JPH1: variants seen among roughly 807,000 people sequenced by gnomAD.
The protein encoded by JPH1 is junctophilin 1.
In JPH1, 12 loss-of-function variants were observed where a neutral mutation model predicts 53.6. The ratio of observed to expected loss-of-function variants is 0.22; its 90% CI spans 0.14 to 0.36. The LOEUF (loss-of-function observed/expected upper bound fraction) is 0.36, where lower values mean the gene tolerates loss of function less well. JPH1 is among the 10% of genes least tolerant of loss of function. The probability of loss-of-function intolerance (pLI) is 1.00; values close to 1 mark genes in which losing one functional copy is unlikely to be tolerated. For missense variants in JPH1, 808 were observed against 905.5 expected (o/e 0.89, Z 1.38); for synonymous variants, 375 against 363.8 (o/e 1.03, Z -0.35).
In JPH1 at chr8:74,315,934, CTG is replaced by C; in HGVS notation, c.380-316_380-315del. 1.3e-5 allele frequency among the ~76,000 whole-genome samples: 2 copies of C among 152,288 alleles called. No homozygotes were observed. The highest frequency in any genetic ancestry group is 3.9e-4 in the East Asian group (2 of 5,182). ...GAACACTGGGAAACAACATTCTCCT[CTG>C]AAATTAATGCATCAAAAATTCCTCT... is the stretch of plus-strand genomic sequence containing the variant. On this transcript the variant is annotated intron_variant, in intron 1 of 5. Transcript: ENST00000342232. The surrounding 1 kb of genome is among the most constrained non-coding windows in gnomAD (Gnocchi z 6.3).
intron 2 of JPH1, among the ~76,000 whole-genome samples, chr8:74,282,549 A>C (rs972713344): frequency 2.0e-5 from 3 of 152,234 alleles, no homozygotes; most frequent in African/African-American, 7.2e-5. Context: ...TTTGAAAATA[A>C]GCCAAGCACA....
intron 2 of JPH1, among the ~76,000 whole-genome samples, chr8:74,299,448 CCAAT>C (rs1807612762): frequency 1.3e-5 from 2 of 152,088 alleles, no homozygotes; most frequent in South Asian, 4.1e-4. Flanking sequence ...GAGTTTTGGG[CCAAT>C]CAAAGGGGGT....
intron 4 of JPH1, among the ~76,000 whole-genome samples, chr8:74,238,168 G>A (rs1012816490): frequency 2.6e-5 from 4 of 152,152 alleles, no homozygotes; most frequent in Non-Finnish European, 5.9e-5. Flanking sequence ...CTGGCTTTAT[G>A]AGGTAGGTAG....
chr8:74,259,380 T>C lies in JPH1; in HGVS notation c.1258+5A>G. 1 of 1,609,432 alleles carries C rather than the reference T, an allele frequency of 6.2e-7. No individual in the cohort carries two copies. Among genetic ancestry groups the C allele is most frequent in the Non-Finnish European group, 8.5e-7 (1 of 1,176,112 alleles). On this transcript the variant is annotated splice_donor_5th_base_variant and intron_variant, in intron 3 of 5. Coordinates refer to ENST00000342232, the MANE Select transcript of JPH1 (RefSeq NM_020647.4). Reference sequence around the variant, plus strand: ...GCCTCACCCATCAAAGGAGCACTGTTTTACCTGGTTGGTAGAAATCAGGTG... The same window carrying C: ...GCCTCACCCATCAAAGGAGCACTGTCTTACCTGGTTGGTAGAAATCAGGTG...
At position 74,244,796 on chromosome 8, in the gene JPH1, C is replaced by A. The variant is rs749182279; in HGVS notation, c.1638G>T (p.Leu546=). The A allele has an allele frequency of 3.9e-5, 63 of 1,614,070 alleles. No individual in the cohort carries two copies. The highest frequency in any genetic ancestry group is 5.1e-5 in the Non-Finnish European group (60 of 1,180,046). The change falls in exon 4 of 6, where the codon CTG becomes CTT. Residue 546 remains leucine (L), a synonymous_variant. Transcript: ENST00000342232. ...HHIPNPSNGE[L]HSQYHGYYVK... ...CGTAGTAGCCGTGATACTGAGAATGCAGCTCCCCGTTACTGGGGTTGGGGA... is the reference window on the plus strand; with the variant it reads ...CGTAGTAGCCGTGATACTGAGAATGAAGCTCCCCGTTACTGGGGTTGGGGA...
At chr8:74,268,341 G>A (rs756882415) in intron 2 of JPH1, among the ~76,000 whole-genome samples, 5 of 152,160 alleles carry the variant, frequency 3.3e-5, no homozygotes, top group Non-Finnish European at 7.3e-5. Flanking sequence ...CTCCAGCAGG[G>A]CTGTCTCTTC....
At chr8:74,253,570 C>T (rs1230664310) in intron 3 of JPH1, among the ~76,000 whole-genome samples, 1 of 151,906 alleles carries the variant, frequency 6.6e-6, no homozygotes, top group Non-Finnish European at 1.5e-5. Flanking sequence ...AATAGAGACA[C>T]AAAAAACCCT....
At chr8:74,262,712 G>A (rs1056441575) in intron 2 of JPH1, among the ~76,000 whole-genome samples, 2 of 152,130 alleles carry the variant, frequency 1.3e-5, no homozygotes, top group Admixed American at 1.3e-4. Flanking sequence ...CAAATAAACC[G>A]AATTTTTAAC....
chr8:74,247,061 TTA>T (rs1169697698), intron 3 of JPH1, among the ~76,000 whole-genome samples: 1 of 152,170 alleles, frequency 6.6e-6, no homozygotes, highest in Non-Finnish European at 1.5e-5. Context: ...CACAAAAAAG[TTA>T]TCTTTCATCA....
At chr8:74,292,229 A>C (rs1295609959) in intron 2 of JPH1, among the ~76,000 whole-genome samples, 4 of 152,350 alleles carry the variant, frequency 2.6e-5, no homozygotes, top group African/African-American at 9.6e-5. Context: ...ACTGATTCCC[A>C]CATGGCACTT....
intron 4 of JPH1, among the ~76,000 whole-genome samples, chr8:74,240,770 C>T (rs779722977): frequency 2.6e-5 from 4 of 152,202 alleles, no homozygotes; most frequent in Non-Finnish European, 5.9e-5. Context: ...ACAGTGGACC[C>T]AGGAAAGTGA....
chr8:74,237,415 G>C (rs772729524), intron 4 of JPH1, 112 bp from the exon 5 acceptor site: 1 of 818,258 alleles, frequency 1.2e-6, no homozygotes, highest in Admixed American at 2.4e-5. Context: ...AGTAAATAAG[G>C]CATAAAAGAT....
intron 2 of JPH1, among the ~76,000 whole-genome samples, chr8:74,296,019 G>GACACACACACACACACAC (rs59881666): frequency 0.021 from 2,914 of 136,562 alleles, 125 homozygotes; most frequent in African/African-American, 0.064. Context: ...TCTCAGTAAG[G>GACACACACACACACACAC]ACACACACAC....
At chr8:74,317,680 T>TA (rs1808203025) in intron 1 of JPH1, among the ~76,000 whole-genome samples, 1 of 152,206 alleles carries the variant, frequency 6.6e-6, no homozygotes, top group Admixed American at 6.5e-5. Context: ...CTTTTGTCTA[T>TA]AGTGACAAGT....
At chr8:74,245,631 A>C (rs1391711958) in intron 3 of JPH1, among the ~76,000 whole-genome samples, 1 of 152,182 alleles carries the variant, frequency 6.6e-6, no homozygotes, top group Non-Finnish European at 1.5e-5. Context: ...ACATGCACTA[A>C]AACTTCCTAG....
At position 74,315,506 on chromosome 8, in the gene JPH1, G is replaced by C. The variant is rs779393328; in HGVS notation, c.494C>G (p.Ser165Trp). 1.2e-6 allele frequency: 2 copies of C among 1,605,344 alleles called. No homozygotes were observed. Among genetic ancestry groups the C allele is most frequent in the Non-Finnish European group, 1.7e-6 (2 of 1,177,012 alleles). The change falls in exon 2 of 6, where the codon TCG becomes TGG. Residue 165 changes from serine (S) to tryptophan (W), a missense_variant. Transcript: ENST00000342232. This position sits in a 1 kb window ranked among gnomAD's most constrained non-coding sequence, Gnocchi z 6.3. ...IRSPLRTSLASLRSEQSNGSV... is the reference protein window; with the variant it reads ...IRSPLRTSLAWLRSEQSNGSV... ...GCCATTGCTCTGCTCGCTGCGCAGCGAGGCCAGCGAGGTACGCAGCGGTGA... is the reference window on the plus strand; with the variant it reads ...GCCATTGCTCTGCTCGCTGCGCAGCCAGGCCAGCGAGGTACGCAGCGGTGA...
chr8:74,286,288 A>G (rs1468409722), intron 2 of JPH1, among the ~76,000 whole-genome samples: 2 of 152,100 alleles, frequency 1.3e-5, no homozygotes, highest in Non-Finnish European at 2.9e-5. Context: ...TTTAATATTT[A>G]TAATTGACAT....
chr8:74,253,705 G>C (rs1478899609), intron 3 of JPH1, among the ~76,000 whole-genome samples: 1 of 151,996 alleles, frequency 6.6e-6, no homozygotes, highest in Non-Finnish European at 1.5e-5. Context: ...AAATGACAAA[G>C]GGGATATTAC....
chr8:74,247,352 C>T (rs1805887960), intron 3 of JPH1, among the ~76,000 whole-genome samples: 1 of 152,156 alleles, frequency 6.6e-6, no homozygotes, highest in South Asian at 2.1e-4. Context: ...AGTGGATGTA[C>T]TTTGCAAAGA....
Sources: allele counts gnomAD v4.1 joint callset (sites outside exome capture counted in the v4.1 genomes callset), GRCh38; gene constraint gnomAD v4.1.1; non-coding constraint Gnocchi (gnomAD v3.1); transcripts MANE v1.5; gene names NCBI Gene and HGNC (gene_info 2026-07-23, HGNC 2026-07-21).